The following TTC7A variants were observed in gnomAD, a reference collection of about 807,000 sequenced individuals.
The protein encoded by TTC7A is tetratricopeptide repeat domain 7A.
TTC7A carries 110 observed loss-of-function variants against 103.7 expected under a neutral mutation model. That is an observed-to-expected ratio of 1.06 (90% CI 0.91 to 1.24). The LOEUF is 1.24. Among genes scored for constraint, TTC7A ranks in the 50% most tolerant of loss-of-function variants. The pLI, the probability that TTC7A is intolerant of heterozygous loss-of-function variation, is 0.00. For synonymous variants in TTC7A, 521 were observed against 467.9 expected, an observed-to-expected ratio of 1.11 and a Z score of -1.47; for missense variants, 1,340 against 1,116.3, an observed-to-expected ratio of 1.20 and a Z score of -2.86.
intron 16 of TTC7A, among the ~76,000 whole-genome samples, chr2:47,049,545 G>A (rs1209311005): frequency 2.0e-5 from 3 of 152,014 alleles, no homozygotes; most frequent in Non-Finnish European, 4.4e-5. Flanking sequence ...TTTTCCATAG[G>A]GGTTTGGGGG....
intron 5 of TTC7A, among the ~76,000 whole-genome samples, chr2:46,985,329 T>TTTGAAAGTC (rs566865041): frequency 1.3e-5 from 2 of 152,132 alleles, no homozygotes; most frequent in African/African-American, 4.8e-5. Flanking sequence ...AGCCCAAACA[T>TTTGAAAGTC]TTGAAAGTCT....
At chr2:47,000,471 G>GT (rs1408080145) in intron 8 of TTC7A, among the ~76,000 whole-genome samples, 2 of 152,222 alleles carry the variant, frequency 1.3e-5, no homozygotes, top group Admixed American at 6.5e-5. Flanking sequence ...AGAAAGAGCT[G>GT]TTTTTTCTGC....
intron 19 of TTC7A, among the ~76,000 whole-genome samples, chr2:47,062,210 G>A (rs770817602): frequency 3.9e-5 from 6 of 152,208 alleles, no homozygotes; most frequent in East Asian, 3.8e-4. Flanking sequence ...AGAATGCAAC[G>A]TCATGGGGAG....
intron 5 of TTC7A, among the ~76,000 whole-genome samples, chr2:46,980,619 T>A (rs954770652): frequency 5.3e-5 from 8 of 152,186 alleles, no homozygotes; most frequent in African/African-American, 1.9e-4. Context: ...AACAATTAAA[T>A]TCACCTCTGA....
chr2:47,057,845 G>A (rs1452819697), intron 18 of TTC7A, among the ~76,000 whole-genome samples: 1 of 152,118 alleles, frequency 6.6e-6, no homozygotes, highest in Admixed American at 6.5e-5. Flanking sequence ...CAGCAGCATC[G>A]ACCTAGCCCC....
In TTC7A at chr2:47,046,375, G is replaced by T. The variant is rs757835270; in HGVS notation, c.1863G>T (p.Val621=). ...TGAAAGGCCCAGAGGAAGCCCTCGT[G>T]ACCTGCAGACAAGTGCTGAGGCTGT... ...QVLKGPEEAL[V]TCRQVLRLWQ... The change falls in exon 16 of 20, where the codon GTG becomes GTT. Residue 621 remains valine (V), a synonymous_variant. Transcript: ENST00000319190. 38 of 1,614,112 alleles carry T rather than the reference G, an allele frequency of 2.4e-5. No individual in the cohort carries two copies. The highest frequency in any genetic ancestry group is 5.1e-6 in the Non-Finnish European group (6 of 1,180,046).
At position 47,075,917 on chromosome 2, in the gene TTC7A, T is replaced by C. The variant is rs1310353492; in HGVS notation, c.*1994T>C. The C allele has an allele frequency of 6.6e-6, 1 of 152,448 alleles. No individual in the cohort carries two copies. The highest frequency in any genetic ancestry group is 6.6e-5 in the Admixed American group (1 of 15,266). The allele number at this position is 152,448 out of a possible 1,614,324, so 9.4% of individuals were successfully genotyped here. A position where few individuals can be genotyped will look rare whatever the true frequency, so the allele number is the denominator to read the frequency against. On this transcript the variant is annotated 3_prime_UTR_variant, in exon 20 of 20. Transcript: ENST00000319190. The stretch of plus-strand genomic sequence containing the variant: ...GGGAGAGGCCAAGGCAGGACTCACG[T>C]CTGAACAGAGATCCCCTCGGGCATT...
intron 19 of TTC7A, among the ~76,000 whole-genome samples, chr2:47,069,963 C>T (rs538911129): frequency 6.6e-6 from 1 of 152,304 alleles, no homozygotes; most frequent in African/African-American, 2.4e-5. Flanking sequence ...AAAGAAAATT[C>T]CCAAAATAAC....
chr2:47,041,361 G>C (rs1437263637), intron 15 of TTC7A, among the ~76,000 whole-genome samples: 2 of 152,240 alleles, frequency 1.3e-5, no homozygotes, highest in African/African-American at 4.8e-5. Context: ...TGCAGACCAG[G>C]TGGGGACGCA....
intron 9 of TTC7A, among the ~76,000 whole-genome samples, 156 bp downstream of exon 9, chr2:47,006,215 A>G (rs1677362685): frequency 6.6e-6 from 1 of 152,038 alleles, no homozygotes; most frequent in African/African-American, 2.4e-5. Flanking sequence ...CAGCTTCCTC[A>G]TTGGTGAAAT....
At position 46,994,462 on chromosome 2, in the gene TTC7A, A is replaced by G; in HGVS notation, c.949A>G (p.Ser317Gly). 1 of 1,613,814 alleles carries G rather than the reference A, an allele frequency of 6.2e-7. No individual in the cohort carries two copies. The highest frequency in any genetic ancestry group is 2.2e-5 in the East Asian group (1 of 44,860). Reference protein sequence around the residue: ...PLPEFMGKEESSFATQALRKP... With the variant: ...PLPEFMGKEEGSFATQALRKP... ...GCCTGAGTTCATGGGCAAGGAGGAG[A>G]GTTCTTTCGCCACTCAGGCCCTGCG... is the stretch of plus-strand genomic sequence containing the variant. The change falls in exon 7 of 20, where the codon AGT (serine) becomes GGT (glycine). Residue 317 changes from serine (S) to glycine (G), a missense_variant. By Grantham distance (56) the Ser-to-Gly change is moderately conservative. Coordinates refer to ENST00000319190, the MANE Select transcript of TTC7A (RefSeq NM_020458.4).
intron 19 of TTC7A, among the ~76,000 whole-genome samples, chr2:47,069,205 C>A (rs915635815): frequency 1.3e-5 from 2 of 152,072 alleles, no homozygotes; most frequent in Non-Finnish European, 2.9e-5. Flanking sequence ...CAGCCACTGG[C>A]CAGAGGAGAC....
chr2:46,982,237 A>G lies in TTC7A; in HGVS notation c.764+3330A>G, dbSNP rs976628602. ...AAAATAAACAAAACTGGCCAGGCTT[A>G]GTGGCATGCACCTGTAGTCTCAGCT... On this transcript the variant is annotated intron_variant, in intron 5 of 19. Transcript: ENST00000319190. 3.9e-5 allele frequency among the ~76,000 whole-genome samples: 6 copies of G among 152,136 alleles called. No individual in the cohort carries two copies. The East Asian group carries it at 1.2e-3, about 29-fold the overall frequency.
intron 8 of TTC7A, among the ~76,000 whole-genome samples, chr2:46,996,920 T>A (rs1034102009): frequency 2.0e-5 from 3 of 152,328 alleles, no homozygotes; most frequent in African/African-American, 7.2e-5. Flanking sequence ...CCAGTGAGAC[T>A]GCCCTGGAAT....
rs1001092230 is a variant in TTC7A, at chr2:47,074,083, C to G, written c.*160C>G. ...GCAGCCCTCGTTCTCTTGGCTGGGC[C>G]AAGAGGGCCTTCCTGGATTTCTTTG... On this transcript the variant is annotated 3_prime_UTR_variant, in exon 20 of 20. Transcript: ENST00000319190. 3.2e-6 allele frequency: 2 copies of G among 617,264 alleles called. No homozygotes were observed. Among genetic ancestry groups the G allele is most frequent in the Non-Finnish European group, 5.7e-6 (2 of 352,680 alleles). 38.2% of individuals were successfully genotyped at this position (617,264 alleles called of 1,614,324 possible).
Position 47,074,163 on chromosome 2 carries a change from G to A in TTC7A, c.*240G>A, listed in dbSNP as rs982757837. 2.0e-5 allele frequency: 11 copies of A among 556,720 alleles called. No homozygotes were observed. Among genetic ancestry groups the A allele is most frequent in the Non-Finnish European group, 2.9e-5 (9 of 310,480 alleles). The allele number at this position is 556,720 out of a possible 1,614,324, so 34.5% of individuals were successfully genotyped here. A position where few individuals can be genotyped will look rare whatever the true frequency, so the allele number is the denominator to read the frequency against. ...ACCCTAAGTGCCTTTGGAGAGTTTT[G>A]TGGTGACCAGACTTGCTCCCCAAGA... On this transcript the variant is annotated 3_prime_UTR_variant, in exon 20 of 20. Transcript: ENST00000319190.
intron 19 of TTC7A, among the ~76,000 whole-genome samples, chr2:47,068,879 AAAAAAAAAG>A (rs1485051815): frequency 0.016 from 2,155 of 135,914 alleles, 24 homozygotes; most frequent in African/African-American, 0.028. Context: ...AAAAAAAAAA[AAAAAAAAAG>A]AAAGACTCAC....
At position 47,051,835 on chromosome 2, in the gene TTC7A, C is replaced by T. The variant is rs749594871; in HGVS notation, c.2107C>T (p.Pro703Ser). Residue 703 changes from proline (P) to serine (S), a missense_variant, in exon 18 of 20, where the codon CCC (proline) becomes TCC (serine). Transcript: ENST00000319190. ...TMPSSVLKQG[P>S]MQLWTTLEQI... is the part of the protein sequence containing the mutation. ...GCCCTCTTCGGTCCTGAAGCAGGGC[C>T]CCATGCAGCTGTGGACCACGCTGGA... is the stretch of plus-strand genomic sequence containing the variant. 2.5e-5 allele frequency: 41 copies of T among 1,612,074 alleles called. No homozygotes were observed. The highest frequency in any genetic ancestry group is 3.4e-5 in the Non-Finnish European group (40 of 1,179,758).
At chr2:47,049,640 G>C (rs1260262835) in intron 16 of TTC7A, among the ~76,000 whole-genome samples, 1 of 152,236 alleles carries the variant, frequency 6.6e-6, no homozygotes, top group Middle Eastern at 3.4e-3. Context: ...GCACTCTGCT[G>C]GATGTTGCTC....
Sources: gnomAD v4.1 joint callset for allele counts (sites outside exome capture counted in the v4.1 genomes callset) on GRCh38, gnomAD v4.1.1 for gene constraint, MANE v1.5 for transcripts, NCBI Gene and HGNC (gene_info 2026-07-23, HGNC 2026-07-21) for gene names.